The following R3HDM4 variants were observed in gnomAD, a reference collection of about 807,000 sequenced individuals.
R3HDM4 encodes the protein R3H domain containing 4, also known as R3H domain-containing protein 4.
In R3HDM4, 30 loss-of-function variants were observed where a neutral mutation model predicts 31.3. The ratio of observed to expected loss-of-function variants is 0.96; its 90% CI spans 0.72 to 1.30. The LOEUF is 1.30. Among genes scored for constraint, R3HDM4 ranks in the 50% most tolerant of loss-of-function variants. R3HDM4 has a pLI of 0.00. For synonymous variants in R3HDM4, 196 were observed against 156.6 expected (o/e 1.25, Z -1.88); for missense variants, 444 against 366.1 (o/e 1.21, Z -1.74).
At position 903,514 on chromosome 19, in the gene R3HDM4, G is replaced by A. The variant is rs905946084; in HGVS notation, c.72-1384C>T. Among the ~76,000 whole-genome samples the A allele has an allele frequency of 8.5e-5, 13 of 152,106 alleles. 1 individual carries two copies. Among genetic ancestry groups the A allele is most frequent in the Admixed American group, 8.5e-4 (13 of 15,262 alleles). ...CCGGGAAGCGGGCGGCGTTTGGGGGGAGGTAGGCGCGCACCGCAGCCACCC... is the reference window on the plus strand; with the variant it reads ...CCGGGAAGCGGGCGGCGTTTGGGGGAAGGTAGGCGCGCACCGCAGCCACCC... On this transcript the variant is annotated intron_variant, in intron 1 of 7. Transcript: ENST00000361574.
At chr19:898,689 C>T (rs545121787) in intron 7 of R3HDM4, among the ~76,000 whole-genome samples, 1 of 152,140 alleles carries the variant, frequency 6.6e-6, no homozygotes, top group Non-Finnish European at 1.5e-5. Context: ...CTGGGACCCC[C>T]CCGTCCTCTA....
chr19:900,316 AC>A (rs1473112584), intron 4 of R3HDM4, among the ~76,000 whole-genome samples, 170 bp from the exon 5 acceptor site: 1 of 149,876 alleles, frequency 6.7e-6, no homozygotes, highest in Non-Finnish European at 1.5e-5. Flanking sequence ...AGCAGACCCT[AC>A]CCCCACGAGG....
At chr19:898,787 G>A (rs1672631869) in intron 7 of R3HDM4, among the ~76,000 whole-genome samples, 1 of 152,130 alleles carries the variant, frequency 6.6e-6, no homozygotes, top group South Asian at 2.1e-4. Context: ...CCCCAGCCAA[G>A]GCCGGATGTT....
chr19:909,388 GT>G (rs2036944783), intron 1 of R3HDM4, among the ~76,000 whole-genome samples: 1 of 152,186 alleles, frequency 6.6e-6, no homozygotes, highest in Non-Finnish European at 1.5e-5. Flanking sequence ...GCCCCCAGCA[GT>G]CCCCAACCCC....
chr19:901,084 C>A, intron 3 of R3HDM4, 132 bp from the exon 4 acceptor site: 1 of 1,190,702 alleles, frequency 8.4e-7, no homozygotes, highest in African/African-American at 1.5e-5. Flanking sequence ...CACTGAGGGG[C>A]CGCTGCTTGT....
chr19:911,571 C>CCA (rs1251000468), intron 1 of R3HDM4, among the ~76,000 whole-genome samples: 1 of 152,280 alleles, frequency 6.6e-6, no homozygotes, highest in Non-Finnish European at 1.5e-5. Context: ...GGAGAAGAGG[C>CCA]CACACTTACT....
rs1406205178 is a variant in R3HDM4 at position 907,019 on chromosome 19, T to C, written c.72-4889A>G. 6.6e-6 allele frequency among the ~76,000 whole-genome samples: 1 copy of C among 151,918 alleles called. No homozygotes were observed. Among genetic ancestry groups the C allele is most frequent in the Non-Finnish European group, 1.5e-5 (1 of 67,966 alleles). On this transcript the variant is annotated intron_variant, in intron 1 of 7. Transcript: ENST00000361574. This position sits in a 1 kb window ranked among gnomAD's most constrained non-coding sequence, Gnocchi z 4.1. ...TCAGTAGAGACGGGGTTTCACCATGTTGGCAGGCTGGTCTTGAACTCCTGA... is the reference window on the plus strand; with the variant it reads ...TCAGTAGAGACGGGGTTTCACCATGCTGGCAGGCTGGTCTTGAACTCCTGA...
Position 907,636 on chromosome 19 carries a change from C to A in R3HDM4, c.71+5451G>T, listed in dbSNP as rs1568343072. 6.6e-6 allele frequency among the ~76,000 whole-genome samples: 1 copy of A among 152,132 alleles called. No individual in the cohort carries two copies. Among genetic ancestry groups the A allele is most frequent in the African/African-American group, 2.4e-5 (1 of 41,432 alleles). ...CCCCAGAGCTACCCTGCTTCCCTCACCACCCCTCATACCAAAGCCCCACAG... is the reference window on the plus strand; with the variant it reads ...CCCCAGAGCTACCCTGCTTCCCTCAACACCCCTCATACCAAAGCCCCACAG... On this transcript the variant is annotated intron_variant, in intron 1 of 7. Coordinates refer to ENST00000361574, the MANE Select transcript of R3HDM4 (RefSeq NM_138774.4). The surrounding 1 kb of genome is among the most constrained non-coding windows in gnomAD (Gnocchi z 4.1).
At chr19:902,197 C>T in intron 1 of R3HDM4, 67 bp from the exon 2 acceptor site, 2 of 1,576,664 alleles carry the variant, frequency 1.3e-6, no homozygotes, top group Non-Finnish European at 1.7e-6. Context: ...AGGGCCCTAC[C>T]ACAGCCATGG....
chr19:899,559 C>T lies in R3HDM4; in HGVS notation c.647+42G>A, dbSNP rs767288328. On this transcript the variant is annotated intron_variant, in intron 6 of 7. Transcript: ENST00000361574. This position sits in a 1 kb window ranked among gnomAD's most constrained non-coding sequence, Gnocchi z 6.8. The stretch of plus-strand genomic sequence containing the variant: ...AGCGTGGGGTGTCCGCCCACCTGGC[C>T]GCAGCCTCGGAGGGTCCGCTCGCCT... The T allele has an allele frequency of 5.0e-6, 8 of 1,612,108 alleles. No homozygotes were observed. The highest frequency in any genetic ancestry group is 1.7e-5 in the Admixed American group (1 of 59,934).
In R3HDM4 at chr19:897,327, A is replaced by C. The variant is rs2036751724; in HGVS notation, c.*110T>G. 2.4e-6 allele frequency: 2 copies of C among 843,870 alleles called. No homozygotes were observed. Among genetic ancestry groups the C allele is most frequent in the Middle Eastern group, 2.4e-4 (1 of 4,178 alleles). The allele number at this position is 843,870 out of a possible 1,614,324, so 52.3% of individuals were successfully genotyped here. On this transcript the variant is annotated 3_prime_UTR_variant, in exon 8 of 8. Transcript: ENST00000361574. ...AGAGTGAGAGAGACCACCCCAAGCG[A>C]AAAAGGTTTCCGAGGACAAATTCTA...
chr19:902,856 C>T (rs1044821160), intron 1 of R3HDM4, among the ~76,000 whole-genome samples: 23 of 151,586 alleles, frequency 1.5e-4, no homozygotes, highest in African/African-American at 4.9e-4. Context: ...GTGAGAGAAT[C>T]GCTTGAACCC....
intron 1 of R3HDM4, among the ~76,000 whole-genome samples, chr19:904,150 G>T (rs2036874174): frequency 6.6e-6 from 1 of 152,158 alleles, no homozygotes; most frequent in African/African-American, 2.4e-5. Flanking sequence ...GGGGGTACCA[G>T]GATCGGCTCC....
chr19:906,237 T>TTTTTTCA (rs1568342566), intron 1 of R3HDM4, among the ~76,000 whole-genome samples: 1 of 145,576 alleles, frequency 6.9e-6, no homozygotes, highest in African/African-American at 2.6e-5. Context: ...TTTTTTTTTT[T>TTTTTTCA]GAGACAGAGT....
intron 3 of R3HDM4, 141 bp from the exon 4 acceptor site, chr19:901,093 G>T: frequency 8.9e-7 from 1 of 1,126,036 alleles, no homozygotes; most frequent in South Asian, 1.7e-5. Flanking sequence ...GCCGCTGCTT[G>T]TGTCGGGCCC....
chr19:898,232 AT>A (rs1568338914), intron 7 of R3HDM4, among the ~76,000 whole-genome samples: 11 of 97,892 alleles, frequency 1.1e-4, no homozygotes, highest in South Asian at 6.4e-4. Flanking sequence ...AAAAAAAAAT[AT>A]ATATATATAT....
At chr19:909,882 G>C (rs773167507) in intron 1 of R3HDM4, among the ~76,000 whole-genome samples, 31 of 152,044 alleles carry the variant, frequency 2.0e-4, no homozygotes, top group Non-Finnish European at 4.0e-4. Context: ...GGTGGTTCAA[G>C]GCCCCCTTAG....
intron 7 of R3HDM4, among the ~76,000 whole-genome samples, chr19:898,969 G>A (rs996680407): frequency 1.3e-5 from 2 of 152,188 alleles, no homozygotes; most frequent in Admixed American, 6.5e-5. Context: ...CTGCACAGAC[G>A]TTCACTACGG....
Position 901,887 on chromosome 19 carries a change from T to C in R3HDM4, c.226+89A>G. 2.7e-6 allele frequency: 4 copies of C among 1,485,496 alleles called. No homozygotes were observed. The South Asian group carries it at 4.7e-5, about 17-fold the overall frequency. The allele number at this position is 1,485,496 out of a possible 1,614,324, so 92.0% of individuals were successfully genotyped here. A position where few individuals can be genotyped will look rare whatever the true frequency, so the allele number is the denominator to read the frequency against. ...GTCCCCAGCCCCACCCAGGCACAGC[T>C]CATGGGAGGGGTAACAGATAACACC... On this transcript the variant is annotated intron_variant, in intron 2 of 7. Transcript: ENST00000361574.
Sources: allele counts gnomAD v4.1 joint callset (sites outside exome capture counted in the v4.1 genomes callset), GRCh38; gene constraint gnomAD v4.1.1; non-coding constraint Gnocchi (gnomAD v3.1); transcripts MANE v1.5; gene names NCBI Gene and HGNC (gene_info 2026-07-23, HGNC 2026-07-21).